TAFA2: variants seen among roughly 807,000 people sequenced by gnomAD.
TAFA2 encodes TAFA chemokine like family member 2.
Under a neutral mutation model 18.8 loss-of-function variants are expected in TAFA2, and 7 were observed. The ratio of observed to expected loss-of-function variants is 0.37; its 90% CI spans 0.21 to 0.70. TAFA2 has a LOEUF of 0.70. TAFA2 is among the 30% of genes least tolerant of loss of function. The pLI, the probability that TAFA2 is intolerant of heterozygous loss-of-function variation, is 0.53. For synonymous variants in TAFA2, 60 were observed against 54.2 expected, an observed-to-expected ratio of 1.11 and a Z score of -0.47; for missense variants, 122 against 158.1, an observed-to-expected ratio of 0.77 and a Z score of 1.23.
intron 1 of TAFA2, among the ~76,000 whole-genome samples, chr12:62,110,093 A>G (rs1047645822): frequency 3.9e-5 from 6 of 152,182 alleles, no homozygotes; most frequent in Non-Finnish European, 7.3e-5. Context: ...TTGCCCATTC[A>G]GTATGATATT....
intron 1 of TAFA2, among the ~76,000 whole-genome samples, chr12:62,213,198 A>G (rs2062721017): frequency 6.6e-6 from 1 of 152,178 alleles, no homozygotes; most frequent in Non-Finnish European, 1.5e-5. Flanking sequence ...AGAAGTAGTA[A>G]GAAGGATGAA....
chr12:61,716,593 T>C (rs1465265403), intron 4 of TAFA2, among the ~76,000 whole-genome samples: 3 of 152,188 alleles, frequency 2.0e-5, no homozygotes, highest in African/African-American at 7.2e-5. Context: ...AAAAAAATTC[T>C]TTTCTCCAAT....
intron 4 of TAFA2, among the ~76,000 whole-genome samples, chr12:61,749,988 A>C (rs1868931608): frequency 7.1e-6 from 1 of 140,354 alleles, no homozygotes; most frequent in African/African-American, 3.0e-5. Flanking sequence ...GAATATCAAA[A>C]CACCCCACAC....
intron 2 of TAFA2, among the ~76,000 whole-genome samples, chr12:61,838,052 G>A (rs1873009042): frequency 6.6e-6 from 1 of 151,982 alleles, no homozygotes; most frequent in Non-Finnish European, 1.5e-5. Context: ...TCCAAGGTGA[G>A]ACATTTTAGG....
intron 1 of TAFA2, among the ~76,000 whole-genome samples, chr12:61,933,527 T>C (rs892898582): frequency 6.6e-6 from 1 of 151,980 alleles, no homozygotes; most frequent in Non-Finnish European, 1.5e-5. Context: ...GCCTGGGCAA[T>C]TATAGCAAGA....
At chr12:62,186,880 T>C (rs1183018739) in intron 1 of TAFA2, among the ~76,000 whole-genome samples, 1 of 152,170 alleles carries the variant, frequency 6.6e-6, no homozygotes, top group African/African-American at 2.4e-5. Flanking sequence ...CCAATGGCAA[T>C]ACCAATCAAT....
intron 2 of TAFA2, among the ~76,000 whole-genome samples, chr12:61,799,469 T>C (rs1224534928): frequency 6.6e-6 from 1 of 152,162 alleles, no homozygotes; most frequent in East Asian, 1.9e-4. Context: ...ATAAGACTAC[T>C]ATCGAAGTCT....
chr12:61,763,926 C>T (rs1329174530), intron 2 of TAFA2, among the ~76,000 whole-genome samples: 1 of 151,638 alleles, frequency 6.6e-6, no homozygotes. Context: ...CCTTTTTTTT[C>T]GTGAGGTAAC....
chr12:61,727,982 T>C (rs750290903), intron 4 of TAFA2, among the ~76,000 whole-genome samples: 1 of 151,856 alleles, frequency 6.6e-6, no homozygotes, highest in African/African-American at 2.4e-5. Context: ...ACATGAATCA[T>C]TCAGGAGCGG....
At chr12:61,872,179 G>C (rs914667112) in intron 1 of TAFA2, among the ~76,000 whole-genome samples, 4 of 152,224 alleles carry the variant, frequency 2.6e-5, no homozygotes, top group African/African-American at 9.6e-5. Flanking sequence ...AGGAAAAAGG[G>C]GGGGAATAAA....
intron 4 of TAFA2, among the ~76,000 whole-genome samples, chr12:61,727,656 T>A (rs1176110236): frequency 2.0e-5 from 3 of 152,106 alleles, no homozygotes; most frequent in African/African-American, 7.2e-5. Context: ...TTGTTTATCT[T>A]TTCAAAGAAT....
chr12:61,729,671 T>A (rs1001793351), intron 4 of TAFA2, among the ~76,000 whole-genome samples: 10 of 152,148 alleles, frequency 6.6e-5, no homozygotes, highest in Admixed American at 6.6e-4. Context: ...CACCTTTCTC[T>A]GGTGTCTCCT....
intron 2 of TAFA2, among the ~76,000 whole-genome samples, chr12:61,837,488 G>C (rs776901166): frequency 2.6e-5 from 4 of 151,850 alleles, no homozygotes; most frequent in Non-Finnish European, 5.9e-5. Flanking sequence ...GGTGTAGACA[G>C]CATGTGTATT....
intron 1 of TAFA2, among the ~76,000 whole-genome samples, chr12:62,144,867 C>T (rs1033061376): frequency 1.3e-5 from 2 of 152,142 alleles, no homozygotes; most frequent in Admixed American, 6.6e-5. Flanking sequence ...AGTAGTTATG[C>T]CTCAACCAAA....
At chr12:61,926,736 T>C (rs1415031584) in intron 1 of TAFA2, among the ~76,000 whole-genome samples, 1 of 152,044 alleles carries the variant, frequency 6.6e-6, no homozygotes, top group Non-Finnish European at 1.5e-5. Context: ...CCACAGCCAA[T>C]ATCATACTGA....
chr12:61,731,420 A>G (rs1325191154), intron 4 of TAFA2, among the ~76,000 whole-genome samples: 2 of 152,064 alleles, frequency 1.3e-5, no homozygotes, highest in Non-Finnish European at 2.9e-5. Context: ...AGTTAGTCCT[A>G]CCTCCTATCT....
chr12:61,811,284 G>A (rs1871858241), intron 2 of TAFA2, among the ~76,000 whole-genome samples: 3 of 151,202 alleles, frequency 2.0e-5, no homozygotes, highest in Admixed American at 2.0e-4. Flanking sequence ...CCCTACAGTT[G>A]AAGAATATAA....
intron 2 of TAFA2, among the ~76,000 whole-genome samples, chr12:61,787,561 A>G (rs1870790372): frequency 6.6e-6 from 1 of 151,690 alleles, no homozygotes; most frequent in African/African-American, 2.4e-5. Context: ...CAAAAATGTA[A>G]ATTGTGAAGA....
chr12:62,102,822 A>C (rs1869269691), intron 1 of TAFA2, among the ~76,000 whole-genome samples: 1 of 152,188 alleles, frequency 6.6e-6, no homozygotes, highest in Non-Finnish European at 1.5e-5. Context: ...TCATATATCT[A>C]CCATGTTTAA....
Sources: gnomAD v4.1 joint callset for allele counts (sites outside exome capture counted in the v4.1 genomes callset) on GRCh38, gnomAD v4.1.1 for gene constraint, MANE v1.5 for transcripts, NCBI Gene and HGNC (gene_info 2026-07-23, HGNC 2026-07-21) for gene names.